Variants in PASD1 observed in about 807,000 individuals in gnomAD.
The protein encoded by PASD1 is PAS domain containing repressor 1.
A neutral mutation model predicts 58.8 loss-of-function variants in PASD1; 13 were observed. The observed-to-expected ratio is 0.22, with a 90% CI of 0.14 to 0.35. The LOEUF (loss-of-function observed/expected upper bound fraction) is 0.35. PASD1 is among the 10% of genes least tolerant of loss of function. The pLI, the probability that PASD1 is intolerant of heterozygous loss-of-function variation, is 1.00. For synonymous variants in PASD1, 236 were observed against 216.7 expected, an observed-to-expected ratio of 1.09 and a Z score of -0.78; for missense variants, 734 against 568.3, an observed-to-expected ratio of 1.29 and a Z score of -2.96.
intron 1 of PASD1, among the ~76,000 whole-genome samples, chrX:151,580,396 T>G (rs998151543): frequency 2.7e-5 from 3 of 111,890 alleles, no homozygotes; most frequent in African/African-American, 6.5e-5. Context: ...AACGAGTCTC[T>G]ACTTTTTATA....
At chrX:151,583,647 C>T (rs1183066704) in intron 1 of PASD1, among the ~76,000 whole-genome samples, 1 of 112,026 alleles carries the variant, frequency 8.9e-6, no homozygotes, top group Non-Finnish European at 1.9e-5. Context: ...TGATGAAATC[C>T]TTTCTAATTG....
intron 1 of PASD1, among the ~76,000 whole-genome samples, chrX:151,592,227 A>T (rs1470486566): frequency 8.9e-6 from 1 of 112,466 alleles, no homozygotes. Flanking sequence ...GATCAGAATT[A>T]TGTTAATTTG....
chrX:151,669,551 C>G (rs763218577), intron 11 of PASD1, among the ~76,000 whole-genome samples: 1,137 of 110,861 alleles, frequency 0.01, 15 homozygotes, highest in African/African-American at 0.035. Flanking sequence ...CCCTCTTCCC[C>G]ATTCCCTTCC....
intron 7 of PASD1, among the ~76,000 whole-genome samples, chrX:151,623,939 G>T (rs756613383): frequency 1.3e-4 from 15 of 111,713 alleles, no homozygotes; most frequent in Non-Finnish European, 2.4e-4. Flanking sequence ...AGATCCAATA[G>T]ATAGGCAGGG....
chrX:151,598,190 T>G (rs1208513244), intron 1 of PASD1, among the ~76,000 whole-genome samples: 1 of 112,464 alleles, frequency 8.9e-6, no homozygotes, highest in Non-Finnish European at 1.9e-5. Flanking sequence ...CTGAGTATTT[T>G]CTGCTTTTCA....
intron 3 of PASD1, 50 bp downstream of exon 3, chrX:151,604,784 T>C (rs1158661805): frequency 1.0e-6 from 1 of 963,682 alleles, no homozygotes; most frequent in Non-Finnish European, 1.5e-6. Flanking sequence ...ATACATGTAA[T>C]AGAAGACAAA....
At chrX:151,568,688 T>C (rs374250989) in intron 1 of PASD1, among the ~76,000 whole-genome samples, 1 of 112,111 alleles carries the variant, frequency 8.9e-6, no homozygotes, top group East Asian at 2.8e-4. Context: ...TGAATACTAC[T>C]GATATTTAGG....
intron 1 of PASD1, among the ~76,000 whole-genome samples, chrX:151,574,417 A>G (rs1348530966): frequency 8.9e-6 from 1 of 112,191 alleles, no homozygotes; most frequent in African/African-American, 3.2e-5. Context: ...AATAGTGATC[A>G]TACCTCTTAG....
chrX:151,675,494 T>TC (rs1368514933), intron 15 of PASD1, among the ~76,000 whole-genome samples: 1 of 112,203 alleles, frequency 8.9e-6, no homozygotes, highest in Non-Finnish European at 1.9e-5. Flanking sequence ...ACCCAAGGAA[T>TC]CCCTCCTCCT....
At chrX:151,646,722 A>G (rs182740327) in intron 8 of PASD1, among the ~76,000 whole-genome samples, 3 of 112,339 alleles carry the variant, frequency 2.7e-5, no homozygotes, top group African/African-American at 6.5e-5. Context: ...AATTTTGTCA[A>G]TCCAGGCAGA....
At position 151,608,091 on chromosome X, in the gene PASD1, C is replaced by T. The variant is rs183874676; in HGVS notation, c.117+3357C>T. Among the ~76,000 whole-genome samples, 23 of 111,128 alleles carry T rather than the reference C, an allele frequency of 2.1e-4. No individual in the cohort carries two copies. In the Admixed American group the frequency reaches 2.1e-3, roughly 10 times the overall value. Reference sequence around the variant, plus strand: ...GGAGGGTAGGGTGGAGTGGTAGGGTCGCTCCCTCTACATGAAAATGACAAT... The same window carrying T: ...GGAGGGTAGGGTGGAGTGGTAGGGTTGCTCCCTCTACATGAAAATGACAAT... On this transcript the variant is annotated intron_variant, in intron 3 of 15. Coordinates refer to ENST00000370357, the MANE Select transcript of PASD1 (RefSeq NM_173493.3).
At position 151,664,143 on chromosome X, in the gene PASD1, G is replaced by A. The variant is rs199829404; in HGVS notation, c.866G>A (p.Gly289Asp). The change falls in exon 11 of 16, where the codon GGT (glycine) becomes GAT (aspartate). Residue 289 changes from glycine to aspartate, a missense_variant. Coordinates refer to ENST00000370357, the MANE Select transcript of PASD1 (RefSeq NM_173493.3). The part of the protein sequence containing the change: ...SPALSLQDFR[G>D]EPEVNPLYRA... Reference sequence around the variant, plus strand: ...GCCTTATCCTTGCAAGACTTTCGAGGTGAGCCTGAGGTGAATCCATTGTAC... The same window carrying A: ...GCCTTATCCTTGCAAGACTTTCGAGATGAGCCTGAGGTGAATCCATTGTAC... 392 of 1,208,891 alleles carry A rather than the reference G, an allele frequency of 3.2e-4. 3 individuals are homozygous for A. In the East Asian group the frequency reaches 0.01, roughly 32 times the overall value.
chrX:151,658,466 A>G (rs1193207230), intron 9 of PASD1, among the ~76,000 whole-genome samples: 1 of 112,504 alleles, frequency 8.9e-6, no homozygotes, highest in Admixed American at 9.5e-5. Context: ...ATTTGAGAAT[A>G]TAAGTTTATG....
At chrX:151,654,698 A>G (rs911851803) in intron 9 of PASD1, among the ~76,000 whole-genome samples, 12 of 111,673 alleles carry the variant, frequency 1.1e-4, no homozygotes, top group African/African-American at 2.0e-4. Context: ...AAACTTGACA[A>G]AAGTTTTGGT....
chrX:151,647,488 TTTAA>T (rs2014074737), intron 8 of PASD1, among the ~76,000 whole-genome samples: 1 of 109,390 alleles, frequency 9.1e-6, no homozygotes, highest in South Asian at 3.8e-4. Context: ...TATTTTATAT[TTTAA>T]TTAAATTAAT....
At chrX:151,580,829 A>G (rs1034565780) in intron 1 of PASD1, among the ~76,000 whole-genome samples, 1 of 110,869 alleles carries the variant, frequency 9.0e-6, no homozygotes, top group Non-Finnish European at 1.9e-5. Flanking sequence ...TTTAAATTTT[A>G]TTCTTTAATG....
chrX:151,586,236 T>C (rs753197230), intron 1 of PASD1, among the ~76,000 whole-genome samples: 3 of 112,528 alleles, frequency 2.7e-5, no homozygotes, highest in Non-Finnish European at 5.6e-5. Flanking sequence ...TTCCCACTTA[T>C]TCATATACTC....
At chrX:151,569,061 T>G (rs1394307604) in intron 1 of PASD1, among the ~76,000 whole-genome samples, 1 of 111,947 alleles carries the variant, frequency 8.9e-6, no homozygotes, top group Non-Finnish European at 1.9e-5. Context: ...TTCCCCCTAC[T>G]TAAGTCACTG....
intron 4 of PASD1, among the ~76,000 whole-genome samples, chrX:151,615,278 A>G (rs954413262): frequency 9.0e-6 from 1 of 110,606 alleles, no homozygotes; most frequent in African/African-American, 3.3e-5. Flanking sequence ...AAGCTCTTTC[A>G]CCCTTCAACA....
Sources: gnomAD v4.1 joint callset for allele counts (sites outside exome capture counted in the v4.1 genomes callset) on GRCh38, gnomAD v4.1.1 for gene constraint, MANE v1.5 for transcripts, NCBI Gene and HGNC (gene_info 2026-07-23, HGNC 2026-07-21) for gene names.